The following ALDOC variants were observed in gnomAD, a reference collection of about 807,000 sequenced individuals.
The protein encoded by ALDOC is aldolase, fructose-bisphosphate C, also known as fructose-bisphosphate aldolase C.
In ALDOC, 23 loss-of-function variants were observed where a neutral mutation model predicts 39.5. The ratio of observed to expected loss-of-function variants is 0.58; its 90% CI spans 0.42 to 0.82. The LOEUF is 0.82. ALDOC is among the 40% of genes least tolerant of loss of function. ALDOC has a pLI of 0.00. For synonymous variants in ALDOC, 160 were observed against 182.6 expected (o/e 0.88, Z 1.00); for missense variants, 356 against 479.1 (o/e 0.74, Z 2.40).
chr17:28,575,874 C>T lies in ALDOC; in HGVS notation c.-12-330G>A. The T allele has an allele frequency of 1.4e-6, 1 of 740,576 alleles. No homozygotes were observed. The allele number at this position is 740,576 out of a possible 1,614,324, so 45.9% of individuals were successfully genotyped here. A position where few individuals can be genotyped will look rare whatever the true frequency, so the allele number is the denominator to read the frequency against. On this transcript the variant is annotated intron_variant, in intron 1 of 8. Transcript: ENST00000226253. The surrounding 1 kb of genome is among the most constrained non-coding windows in gnomAD (Gnocchi z 4.3). Reference sequence around the variant, plus strand: ...GGATGCCAACCCTTCTTTCACTGAACTTGGTCCCTTGTTGAGGTAGGCAAA... The same window carrying T: ...GGATGCCAACCCTTCTTTCACTGAATTTGGTCCCTTGTTGAGGTAGGCAAA...
chr17:28,574,727 A>G lies in ALDOC; in HGVS notation c.509T>C (p.Val170Ala). 1 of 1,614,208 alleles carries G rather than the reference A, an allele frequency of 6.2e-7. No individual in the cohort carries two copies. Among genetic ancestry groups the G allele is most frequent in the Non-Finnish European group, 8.5e-7 (1 of 1,180,038 alleles). ...SALAILENANVLARYASICQQ... is the reference protein window; with the variant it reads ...SALAILENANALARYASICQQ... The stretch of plus-strand genomic sequence containing the variant: ...GCAGATACTGGCATAACGGGCCAGC[A>G]CGTTGGCGTTCTCCAGAATGGCAAG... The change falls in exon 5 of 9, where the codon GTG becomes GCG. Residue 170 changes from valine (V) to alanine (A), a missense_variant. Val to Ala is a moderately conservative substitution (Grantham distance 64, BLOSUM62 0). Transcript: ENST00000226253.
Position 28,575,421 on chromosome 17 carries a change from C to A in ALDOC, c.112G>T (p.Gly38Cys), listed in dbSNP as rs1457108710. ...TACCTGGCTACAGATGTCCACTTAC[C>A]TACAGACTCATCCGCAGCCAGAATG... ...KGILAADESV[G>C]SMAKRLSQIG... The change falls in exon 2 of 9, where the codon GGC becomes TGC. Residue 38 changes from glycine (G) to cysteine (C), a missense_variant and splice_region_variant. Gly to Cys is a radical substitution (Grantham distance 159). Transcript: ENST00000226253. The surrounding 1 kb of genome is among the most constrained non-coding windows in gnomAD (Gnocchi z 4.3). 2 of 1,614,132 alleles carry A rather than the reference C, an allele frequency of 1.2e-6. No homozygotes were observed. The highest frequency in any genetic ancestry group is 1.3e-5 in the African/African-American group (1 of 74,950).
In ALDOC at chr17:28,573,163, A is replaced by G; in HGVS notation, c.*363T>C. On this transcript the variant is annotated 3_prime_UTR_variant, in exon 9 of 9. Transcript: ENST00000226253. This position sits in a 1 kb window ranked among gnomAD's most constrained non-coding sequence, Gnocchi z 4.3. ...TTGCTGTATGGTATGTACTCAAGGC[A>G]TGAGTCAGGGCTTCTGTACTACCCT... The G allele has an allele frequency of 2.7e-6, 1 of 373,960 alleles. No individual in the cohort carries two copies. Among genetic ancestry groups the G allele is most frequent in the Non-Finnish European group, 5.1e-6 (1 of 197,850 alleles). The allele number at this position is 373,960 out of a possible 1,614,324, so 23.2% of individuals were successfully genotyped here.
In ALDOC at chr17:28,574,107, A is replaced by G. The variant is rs1014335834; in HGVS notation, c.759T>C (p.Thr253=). The change falls in exon 7 of 9, where the codon ACT becomes ACC. Residue 253 remains threonine (T), a synonymous_variant. Transcript: ENST00000226253. Reference sequence around the variant, plus strand: ...GCACAGTGCGACGCAGGGCAGTGACAGTTGCCATGGCAATCTCCTCTGGGG... The same window carrying G: ...GCACAGTGCGACGCAGGGCAGTGACGGTTGCCATGGCAATCTCCTCTGGGG... ...KYTPEEIAMA[T]VTALRRTVPP... is the part of the protein sequence containing the mutation. The G allele has an allele frequency of 7.5e-6, 12 of 1,605,752 alleles. 1 individual carries two copies. Among genetic ancestry groups the G allele is most frequent in the Non-Finnish European group, 1.0e-5 (12 of 1,175,724 alleles).
Position 28,576,640 on chromosome 17 carries a change from T to C in ALDOC, c.-13+161A>G, listed in dbSNP as rs571531028. 4.0e-3 allele frequency among the ~76,000 whole-genome samples: 601 copies of C among 149,394 alleles called. 4 individuals are homozygous for C. The highest frequency in any genetic ancestry group is 0.014 in the African/African-American group (571 of 40,494). On this transcript the variant is annotated intron_variant, in intron 1 of 8. Transcript: ENST00000226253. ...CTGAAGAGGGATAGAACAGAAGAGG[T>C]TGAGCCATGGGGTTTCAAGTACGCG...
chr17:28,575,953 A>G lies in ALDOC; in HGVS notation c.-12-409T>C. 4 of 1,026,792 alleles carry G rather than the reference A, an allele frequency of 3.9e-6. No homozygotes were observed. In the South Asian group the frequency reaches 1.1e-4, roughly 28 times the overall value. 63.6% of individuals were successfully genotyped at this position (1,026,792 alleles called of 1,614,324 possible). On this transcript the variant is annotated intron_variant, in intron 1 of 8. Transcript: ENST00000226253. This position sits in a 1 kb window ranked among gnomAD's most constrained non-coding sequence, Gnocchi z 4.3. The stretch of plus-strand genomic sequence containing the variant: ...TCATCCTCCACAGGACCCCTAGGGA[A>G]AGTGTACTTACTTCCAAGGCTTCAG...
rs1374387705 is a variant in ALDOC, at chr17:28,576,843, G to C, written c.-55C>G. ...GCAGCCGCAGCCACAAGCACAGCTC[G>C]GGTTCTGATCCGCAAACAGATGAGG... On this transcript the variant is annotated 5_prime_UTR_variant, in exon 1 of 9. Transcript: ENST00000226253. The C allele has an allele frequency of 1.0e-6, 1 of 985,348 alleles. No homozygotes were observed. The highest frequency in any genetic ancestry group is 6.1e-5 in the Admixed American group (1 of 16,270). The allele number at this position is 985,348 out of a possible 1,614,324, so 61.0% of individuals were successfully genotyped here. A position where few individuals can be genotyped will look rare whatever the true frequency, so the allele number is the denominator to read the frequency against.
At position 28,574,073 on chromosome 17, in the gene ALDOC, C is replaced by T; in HGVS notation, c.793G>A (p.Val265Ile). The T allele has an allele frequency of 1.3e-6, 2 of 1,595,006 alleles. No individual in the cohort carries two copies. The highest frequency in any genetic ancestry group is 1.7e-6 in the Non-Finnish European group (2 of 1,170,042). Residue 265 changes from valine (V) to isoleucine (I), a missense_variant, in exon 7 of 9, where the codon GTC (valine) becomes ATC (isoleucine). Physicochemically the swap from Val to Ile is conservative, Grantham distance 29. Transcript: ENST00000226253. ...TTAGGGAGCTGGGTAGTACCTGGGA[C>T]AGCTGGGGGCACAGTGCGACGCAGG... The part of the protein sequence containing the change: ...TALRRTVPPA[V>I]PGVTFLSGGQ...
At position 28,573,742 on chromosome 17, in the gene ALDOC, C is replaced by T. The variant is rs762828594; in HGVS notation, c.992G>A (p.Arg331Gln). ...AGAATEEFIK[R>Q]AEVNGLAAQG... is the part of the protein sequence containing the mutation. Reference sequence around the variant, plus strand: ...CCACCTGTAGCTCCCAACCTCAGCCCGCTTGATGAACTCCTCAGTGGCAGC... The same window carrying T: ...CCACCTGTAGCTCCCAACCTCAGCCTGCTTGATGAACTCCTCAGTGGCAGC... Residue 331 changes from arginine (R) to glutamine (Q), a missense_variant, in exon 8 of 9, where the codon CGG (arginine) becomes CAG (glutamine). Coordinates refer to ENST00000226253, the MANE Select transcript of ALDOC (RefSeq NM_005165.3). The surrounding 1 kb of genome is among the most constrained non-coding windows in gnomAD (Gnocchi z 4.3). 15 of 1,614,070 alleles carry T rather than the reference C, an allele frequency of 9.3e-6. No homozygotes were observed. Among genetic ancestry groups the T allele is most frequent in the African/African-American group, 2.7e-5 (2 of 74,940 alleles).
Position 28,575,062 on chromosome 17 carries a change from C to T in ALDOC, c.325-56G>A. 4 of 1,614,070 alleles carry T rather than the reference C, an allele frequency of 2.5e-6. No homozygotes were observed. In the South Asian group the frequency reaches 4.4e-5, roughly 18 times the overall value. On this transcript the variant is annotated intron_variant, in intron 3 of 8. Coordinates refer to ENST00000226253, the MANE Select transcript of ALDOC (RefSeq NM_005165.3). This position sits in a 1 kb window ranked among gnomAD's most constrained non-coding sequence, Gnocchi z 4.3. The stretch of plus-strand genomic sequence containing the variant: ...TCCAGGCAGGATTCTCCTTGCTACC[C>T]CTCCTACACAAGCTTATTTTCACAC...
rs147368028 is a variant in ALDOC at position 28,574,819 on chromosome 17, C to T, written c.417G>A (p.Lys139=). The T allele has an allele frequency of 8.4e-5, 135 of 1,614,128 alleles. No individual in the cohort carries two copies. The highest frequency in any genetic ancestry group is 1.1e-4 in the Non-Finnish European group (124 of 1,180,050). ...DGLSERCAQY[K]KDGADFAKWR... The stretch of plus-strand genomic sequence containing the variant: ...ACTTGGCAAAGTCAGCACCATCCTT[C>T]TTGTATTGGGCACAGCGTTCTGAGA... Residue 139 remains lysine (K), a synonymous_variant, in exon 5 of 9, where the codon AAG becomes AAA. Coordinates refer to ENST00000226253, the MANE Select transcript of ALDOC (RefSeq NM_005165.3).
Position 28,575,770 on chromosome 17 carries a change from G to A in ALDOC, c.-12-226C>T. The A allele has an allele frequency of 1.5e-6, 1 of 666,940 alleles. No individual in the cohort carries two copies. Among genetic ancestry groups the A allele is most frequent in the Non-Finnish European group, 2.4e-6 (1 of 418,326 alleles). The allele number at this position is 666,940 out of a possible 1,614,324, so 41.3% of individuals were successfully genotyped here. A position where few individuals can be genotyped will look rare whatever the true frequency, so the allele number is the denominator to read the frequency against. ...CTGGTAGGCATCCTTCCCAGCCCTGGGGAAAGATGCAGGGTGGGGGTGGGG... is the reference window on the plus strand; with the variant it reads ...CTGGTAGGCATCCTTCCCAGCCCTGAGGAAAGATGCAGGGTGGGGGTGGGG... On this transcript the variant is annotated intron_variant, in intron 1 of 8. Transcript: ENST00000226253. The surrounding 1 kb of genome is among the most constrained non-coding windows in gnomAD (Gnocchi z 4.3).
rs567996353 is a variant in ALDOC at position 28,574,064 on chromosome 17, T to C, written c.799+3A>G. The C allele has an allele frequency of 3.1e-6, 5 of 1,595,312 alleles. No homozygotes were observed. Among genetic ancestry groups the C allele is most frequent in the Non-Finnish European group, 4.3e-6 (5 of 1,170,066 alleles). On this transcript the variant is annotated splice_donor_region_variant and intron_variant, in intron 7 of 8. Coordinates refer to ENST00000226253, the MANE Select transcript of ALDOC (RefSeq NM_005165.3). ...AGGAGCAGGTTAGGGAGCTGGGTAGTACCTGGGACAGCTGGGGGCACAGTG... is the reference window on the plus strand; with the variant it reads ...AGGAGCAGGTTAGGGAGCTGGGTAGCACCTGGGACAGCTGGGGGCACAGTG...
At chr17:28,576,266 A>G (rs2070488841) in intron 1 of ALDOC, 1 of 152,602 alleles carries the variant, frequency 6.6e-6, no homozygotes, top group African/African-American at 2.4e-5. Flanking sequence ...CTCTGTGCCC[A>G]GGAAGCACTT....
chr17:28,575,751 G>C lies in ALDOC; in HGVS notation c.-12-207C>G. 1 of 718,210 alleles carries C rather than the reference G, an allele frequency of 1.4e-6. No individual in the cohort carries two copies. The highest frequency in any genetic ancestry group is 2.2e-6 in the Non-Finnish European group (1 of 457,750). 44.5% of individuals were successfully genotyped at this position (718,210 alleles called of 1,614,324 possible). A position where few individuals can be genotyped will look rare whatever the true frequency, so the allele number is the denominator to read the frequency against. On this transcript the variant is annotated intron_variant, in intron 1 of 8. Coordinates refer to ENST00000226253, the MANE Select transcript of ALDOC (RefSeq NM_005165.3). The surrounding 1 kb of genome is among the most constrained non-coding windows in gnomAD (Gnocchi z 4.3). ...CCCACATCTCCTTTTGTCCCTGGTA[G>C]GCATCCTTCCCAGCCCTGGGGAAAG...
At position 28,574,770 on chromosome 17, in the gene ALDOC, C is replaced by A. The variant is rs199611960; in HGVS notation, c.466G>T (p.Glu156Ter). The A allele has an allele frequency of 1.2e-6, 2 of 1,614,196 alleles. No homozygotes were observed. Among genetic ancestry groups the A allele is most frequent in the African/African-American group, 1.3e-5 (1 of 75,044 alleles). ...AKWRCVLKISERTPSALAILE... is the reference protein window; with the variant it reads ...AKWRCVLKIS ...ATGGCAAGTGCAGAGGGTGTACGCT[C>A]ACTGATTTTCAGCACACAGCGCCAC... Residue 156 changes from glutamate to a stop codon, truncating the protein, a stop_gained, in exon 5 of 9, where the codon GAG becomes TAG. Transcript: ENST00000226253. LOFTEE classifies it high-confidence loss of function.
At chr17:28,576,156 A>G (rs968263982) in intron 1 of ALDOC, 1 of 256,744 alleles carries the variant, frequency 3.9e-6, no homozygotes, top group Non-Finnish European at 6.1e-6. Context: ...CCAGTACCAG[A>G]GGTTGGCCCC....
Position 28,573,391 on chromosome 17 carries a change from G to T in ALDOC, c.*135C>A. The T allele has an allele frequency of 1.3e-6, 1 of 783,504 alleles. No individual in the cohort carries two copies. 48.5% of individuals were successfully genotyped at this position (783,504 alleles called of 1,614,324 possible). Reference sequence around the variant, plus strand: ...AGGTGCAGCAATGAGAGAGGGGAAGGGAAGAGAGAAAGGAAGACAAGTTGG... The same window carrying T: ...AGGTGCAGCAATGAGAGAGGGGAAGTGAAGAGAGAAAGGAAGACAAGTTGG... On this transcript the variant is annotated 3_prime_UTR_variant, in exon 9 of 9. Coordinates refer to ENST00000226253, the MANE Select transcript of ALDOC (RefSeq NM_005165.3). This position sits in a 1 kb window ranked among gnomAD's most constrained non-coding sequence, Gnocchi z 4.3.
In ALDOC at chr17:28,576,885, C is replaced by G. The variant is rs2070499494; in HGVS notation, c.-97G>C. 31 of 985,548 alleles carry G rather than the reference C, an allele frequency of 3.1e-5. No homozygotes were observed. The highest frequency in any genetic ancestry group is 3.6e-5 in the Non-Finnish European group (30 of 830,032). The allele number at this position is 985,548 out of a possible 1,614,324, so 61.1% of individuals were successfully genotyped here. ...CAGATGAGGCTGCAGCCCTGGCTCC[C>G]TCTGGTAAATGAGGCTGCGGATGTC... On this transcript the variant is annotated 5_prime_UTR_variant, in exon 1 of 9. Coordinates refer to ENST00000226253, the MANE Select transcript of ALDOC (RefSeq NM_005165.3).
Sources: gnomAD v4.1 joint callset for allele counts (sites outside exome capture counted in the v4.1 genomes callset) on GRCh38, gnomAD v4.1.1 for gene constraint, Gnocchi (gnomAD v3.1) non-coding constraint, MANE v1.5 for transcripts, NCBI Gene and HGNC (gene_info 2026-07-23, HGNC 2026-07-21) for gene names.